The following FJX1 variants were observed in gnomAD, a reference collection of about 807,000 sequenced individuals.
FJX1 encodes the protein four-jointed box kinase 1, also known as four-jointed box protein 1.
A neutral mutation model predicts 28.7 loss-of-function variants in FJX1; 21 were observed. That is an observed-to-expected ratio of 0.73 (90% CI 0.52 to 1.05). FJX1 has a LOEUF of 1.05. FJX1 is among the 50% of genes least tolerant of loss of function. FJX1 has a pLI of 0.00. For missense variants in FJX1, 683 were observed against 647.2 expected (o/e 1.06, Z -0.60); for synonymous variants, 363 against 310.0 (o/e 1.17, Z -1.80).
At position 35,620,574 on chromosome 11, in the gene FJX1, C is replaced by T. The variant is rs1310131887; in HGVS notation, c.*624C>T. On this transcript the variant is annotated 3_prime_UTR_variant, in exon 1 of 1. Transcript: ENST00000317811. ...ACAATTTGCCTGACTCATTCCTGAC[C>T]TCTTGTCATTTTGGCCTGAAGGCTA... 1 of 168,172 alleles carries T rather than the reference C, an allele frequency of 5.9e-6. No individual in the cohort carries two copies. Among genetic ancestry groups the T allele is most frequent in the African/African-American group, 2.4e-5 (1 of 41,432 alleles). 10.4% of individuals were successfully genotyped at this position (168,172 alleles called of 1,614,324 possible). A position where few individuals can be genotyped will look rare whatever the true frequency, so the allele number is the denominator to read the frequency against.
chr11:35,620,058 A>T lies in FJX1; in HGVS notation c.*108A>T. On this transcript the variant is annotated 3_prime_UTR_variant, in exon 1 of 1. Coordinates refer to ENST00000317811, the MANE Select transcript of FJX1 (RefSeq NM_014344.4). Reference sequence around the variant, plus strand: ...GACCAGCCGGCCAACGCCCACCCGCAAAGGTGTCTAAAAACTTCAGCTTTT... The same window carrying T: ...GACCAGCCGGCCAACGCCCACCCGCTAAGGTGTCTAAAAACTTCAGCTTTT... The T allele has an allele frequency of 6.8e-7, 1 of 1,480,626 alleles. No individual in the cohort carries two copies. Among genetic ancestry groups the T allele is most frequent in the Non-Finnish European group, 9.0e-7 (1 of 1,106,980 alleles). The allele number at this position is 1,480,626 out of a possible 1,614,324, so 91.7% of individuals were successfully genotyped here. A position where few individuals can be genotyped will look rare whatever the true frequency, so the allele number is the denominator to read the frequency against.
rs1359343033 is a variant in FJX1, at chr11:35,619,814, G to C, written c.1178G>C (p.Arg393Pro). ...GCGGCCCGGCTGCTGCGCCTCTACCGGCGCCACGAGCCTCGCTTCCCCGAG... is the reference window on the plus strand; with the variant it reads ...GCGGCCCGGCTGCTGCGCCTCTACCCGCGCCACGAGCCTCGCTTCCCCGAG... ...DAAARLLRLYRRHEPRFPELA... is the reference protein window; with the variant it reads ...DAAARLLRLYPRHEPRFPELA... The change falls in exon 1 of 1, where the codon CGG (arginine) becomes CCG (proline). Residue 393 changes from arginine (R) to proline (P), a missense_variant. Arg to Pro is a moderately radical substitution (Grantham distance 103). Transcript: ENST00000317811. This position sits in a 1 kb window ranked among gnomAD's most constrained non-coding sequence, Gnocchi z 7.6. 6.4e-7 allele frequency: 1 copy of C among 1,550,564 alleles called. No individual in the cohort carries two copies. The highest frequency in any genetic ancestry group is 2.0e-5 in the Admixed American group (1 of 51,052).
In FJX1 at chr11:35,620,360, A is replaced by G. The variant is rs1565389385; in HGVS notation, c.*410A>G. 3.5e-6 allele frequency: 1 copy of G among 288,068 alleles called. No homozygotes were observed. The highest frequency in any genetic ancestry group is 2.4e-5 in the African/African-American group (1 of 42,520). The allele number at this position is 288,068 out of a possible 1,614,324, so 17.8% of individuals were successfully genotyped here. A position where few individuals can be genotyped will look rare whatever the true frequency, so the allele number is the denominator to read the frequency against. ...TTTGAGCCGTTGAGCTAATTCTGCA[A>G]TTTTCTACCAAACAGAGCGCTGGTG... On this transcript the variant is annotated 3_prime_UTR_variant, in exon 1 of 1. Coordinates refer to ENST00000317811, the MANE Select transcript of FJX1 (RefSeq NM_014344.4).
chr11:35,620,158 A>C lies in FJX1; in HGVS notation c.*208A>C. On this transcript the variant is annotated 3_prime_UTR_variant, in exon 1 of 1. Transcript: ENST00000317811. ...CTGGGAGGACGAACTCACCGAGGCG[A>C]GAAGTGTAACATTCTCTCCACCCAG... The C allele has an allele frequency of 1.4e-6, 1 of 712,476 alleles. No individual in the cohort carries two copies. Among genetic ancestry groups the C allele is most frequent in the Non-Finnish European group, 2.3e-6 (1 of 428,136 alleles). The allele number at this position is 712,476 out of a possible 1,614,324, so 44.1% of individuals were successfully genotyped here. A position where few individuals can be genotyped will look rare whatever the true frequency, so the allele number is the denominator to read the frequency against.
In FJX1 at chr11:35,619,138, C is replaced by A. The variant is rs911910713; in HGVS notation, c.502C>A (p.Leu168Met). The A allele has an allele frequency of 5.7e-6, 9 of 1,567,702 alleles. No individual in the cohort carries two copies. Among genetic ancestry groups the A allele is most frequent in the Non-Finnish European group, 7.7e-6 (9 of 1,168,336 alleles). The part of the protein sequence containing the change: ...RGGCGRSSNR[L>M]ARFADGTRAC... ...GGGTTGCGGGCGCAGCTCCAACCGA[C>A]TGGCCCGTTTTGCCGACGGCACCCG... The change falls in exon 1 of 1, where the codon CTG becomes ATG. Residue 168 changes from leucine (L) to methionine (M), a missense_variant. By Grantham distance (15) the Leu-to-Met change is conservative. Coordinates refer to ENST00000317811, the MANE Select transcript of FJX1 (RefSeq NM_014344.4). This position sits in a 1 kb window ranked among gnomAD's most constrained non-coding sequence, Gnocchi z 7.6.
In FJX1 at chr11:35,620,582, A is replaced by G. The variant is rs1850889169; in HGVS notation, c.*632A>G. The G allele has an allele frequency of 6.0e-6, 1 of 167,876 alleles. No homozygotes were observed. Among genetic ancestry groups the G allele is most frequent in the African/African-American group, 2.4e-5 (1 of 41,460 alleles). 10.4% of individuals were successfully genotyped at this position (167,876 alleles called of 1,614,324 possible). On this transcript the variant is annotated 3_prime_UTR_variant, in exon 1 of 1. Coordinates refer to ENST00000317811, the MANE Select transcript of FJX1 (RefSeq NM_014344.4). ...CCTGACTCATTCCTGACCTCTTGTCATTTTGGCCTGAAGGCTACAAATTCA... is the reference window on the plus strand; with the variant it reads ...CCTGACTCATTCCTGACCTCTTGTCGTTTTGGCCTGAAGGCTACAAATTCA...
Position 35,619,097 on chromosome 11 carries a change from T to C in FJX1, c.461T>C (p.Val154Ala), listed in dbSNP as rs1469573002. 1.3e-6 allele frequency: 2 copies of C among 1,506,158 alleles called. No homozygotes were observed. Among genetic ancestry groups the C allele is most frequent in the Admixed American group, 2.2e-5 (1 of 44,462 alleles). 93.3% of individuals were successfully genotyped at this position (1,506,158 alleles called of 1,614,324 possible). A position where few individuals can be genotyped will look rare whatever the true frequency, so the allele number is the denominator to read the frequency against. Residue 154 changes from valine (V) to alanine (A), a missense_variant, in exon 1 of 1, where the codon GTG becomes GCG. Coordinates refer to ENST00000317811, the MANE Select transcript of FJX1 (RefSeq NM_014344.4). The surrounding 1 kb of genome is among the most constrained non-coding windows in gnomAD (Gnocchi z 7.6). Reference protein sequence around the residue: ...WLEAARGARMVALERGGCGRS... With the variant: ...WLEAARGARMAALERGGCGRS... Reference sequence around the variant, plus strand: ...GAGGCGGCTCGCGGCGCCCGGATGGTGGCCCTGGAGCGCGGGGGTTGCGGG... The same window carrying C: ...GAGGCGGCTCGCGGCGCCCGGATGGCGGCCCTGGAGCGCGGGGGTTGCGGG...
chr11:35,618,493 C>A lies in FJX1; in HGVS notation c.-144C>A. ...GCGCCGGGCGGAGCGCCGGACAGAGCCCCGCAGCGCCCCGCGGCCGCGATG... is the reference window on the plus strand; with the variant it reads ...GCGCCGGGCGGAGCGCCGGACAGAGACCCGCAGCGCCCCGCGGCCGCGATG... On this transcript the variant is annotated 5_prime_UTR_variant, in exon 1 of 1. Coordinates refer to ENST00000317811, the MANE Select transcript of FJX1 (RefSeq NM_014344.4). This position sits in a 1 kb window ranked among gnomAD's most constrained non-coding sequence, Gnocchi z 4.2. 1.3e-6 allele frequency: 1 copy of A among 747,692 alleles called. No individual in the cohort carries two copies. Among genetic ancestry groups the A allele is most frequent in the Non-Finnish European group, 1.7e-6 (1 of 597,678 alleles). 46.3% of individuals were successfully genotyped at this position (747,692 alleles called of 1,614,324 possible).
Position 35,619,635 on chromosome 11 carries a change from G to A in FJX1, c.999G>A (p.Ala333=). 1 of 1,610,842 alleles carries A rather than the reference G, an allele frequency of 6.2e-7. No individual in the cohort carries two copies. Residue 333 remains alanine, a synonymous_variant, in exon 1 of 1, where the codon GCG becomes GCA. Transcript: ENST00000317811. This position sits in a 1 kb window ranked among gnomAD's most constrained non-coding sequence, Gnocchi z 7.6. ...ACCTGCACCGCGGTCCGGGCGGGGC[G>A]CTGGTCTTTCTGGACAATGAGGCGG... is the stretch of plus-strand genomic sequence containing the variant. ...TSNLHRGPGG[A]LVFLDNEAGL... is the part of the protein sequence containing the mutation.
chr11:35,619,690 A>G lies in FJX1; in HGVS notation c.1054A>G (p.Met352Val), dbSNP rs747959914. 4 of 1,605,044 alleles carry G rather than the reference A, an allele frequency of 2.5e-6. No homozygotes were observed. Among genetic ancestry groups the G allele is most frequent in the Non-Finnish European group, 2.5e-6 (3 of 1,177,244 alleles). The change falls in exon 1 of 1, where the codon ATG becomes GTG. Residue 352 changes from methionine to valine, a missense_variant. Coordinates refer to ENST00000317811, the MANE Select transcript of FJX1 (RefSeq NM_014344.4). This position sits in a 1 kb window ranked among gnomAD's most constrained non-coding sequence, Gnocchi z 7.6. ...GGTGCACGGCTACCGGGTAGCAGGCATGTGGGACAAGTATAACGAGCCGCT... is the reference window on the plus strand; with the variant it reads ...GGTGCACGGCTACCGGGTAGCAGGCGTGTGGGACAAGTATAACGAGCCGCT... ...GLVHGYRVAG[M>V]WDKYNEPLLQ...
rs1384589682 is a variant in FJX1 at position 35,619,592 on chromosome 11, T to C, written c.956T>C (p.Met319Thr). 1 of 1,607,492 alleles carries C rather than the reference T, an allele frequency of 6.2e-7. No individual in the cohort carries two copies. Among genetic ancestry groups the C allele is most frequent in the Admixed American group, 1.7e-5 (1 of 60,030 alleles). Residue 319 changes from methionine (M) to threonine (T), a missense_variant, in exon 1 of 1, where the codon ATG becomes ACG. Physicochemically the swap from Met to Thr is moderately conservative, Grantham distance 81 (BLOSUM62 -1). Coordinates refer to ENST00000317811, the MANE Select transcript of FJX1 (RefSeq NM_014344.4). This position sits in a 1 kb window ranked among gnomAD's most constrained non-coding sequence, Gnocchi z 7.6. Reference protein sequence around the residue: ...LFSLQWDPRVMQRATSNLHRG... With the variant: ...LFSLQWDPRVTQRATSNLHRG... ...AGCCTGCAGTGGGACCCGCGCGTCA[T>C]GCAGCGTGCCACCAGCAACCTGCAC...
chr11:35,619,032 G>A lies in FJX1; in HGVS notation c.396G>A (p.Val132=). 1 of 1,464,602 alleles carries A rather than the reference G, an allele frequency of 6.8e-7. No individual in the cohort carries two copies. The highest frequency in any genetic ancestry group is 8.9e-7 in the Non-Finnish European group (1 of 1,120,396). 90.7% of individuals were successfully genotyped at this position (1,464,602 alleles called of 1,614,324 possible). ...GGAGCCGCGGCCTGGAGGAGCAGGT[G>A]CCCCCGGGCTTTTCGGAGGCCCAGG... The part of the protein sequence containing the change: ...VFWSRGLEEQ[V]PPGFSEAQAA... Residue 132 remains valine (V), a synonymous_variant, in exon 1 of 1, where the codon GTG becomes GTA. Transcript: ENST00000317811. The surrounding 1 kb of genome is among the most constrained non-coding windows in gnomAD (Gnocchi z 7.6).
Position 35,619,077 on chromosome 11 carries a change from G to C in FJX1, c.441G>C (p.Ala147=). The change falls in exon 1 of 1, where the codon GCG becomes GCC. Residue 147 remains alanine, a synonymous_variant. Coordinates refer to ENST00000317811, the MANE Select transcript of FJX1 (RefSeq NM_014344.4). This position sits in a 1 kb window ranked among gnomAD's most constrained non-coding sequence, Gnocchi z 7.6. ...SEAQAAAWLE[A]ARGARMVALE... is the part of the protein sequence containing the mutation. ...CCCAGGCGGCGGCGTGGCTGGAGGC[G>C]GCTCGCGGCGCCCGGATGGTGGCCC... 8.8e-6 allele frequency: 13 copies of C among 1,482,336 alleles called. No individual in the cohort carries two copies. The highest frequency in any genetic ancestry group is 1.2e-5 in the Non-Finnish European group (13 of 1,128,808). The allele number at this position is 1,482,336 out of a possible 1,614,324, so 91.8% of individuals were successfully genotyped here. A position where few individuals can be genotyped will look rare whatever the true frequency, so the allele number is the denominator to read the frequency against.
chr11:35,618,631 G>C lies in FJX1; in HGVS notation c.-6G>C, dbSNP rs1850851364. 7.7e-6 allele frequency: 9 copies of C among 1,163,918 alleles called. No homozygotes were observed. The South Asian group carries it at 3.2e-4, about 41-fold the overall frequency. 72.1% of individuals were successfully genotyped at this position (1,163,918 alleles called of 1,614,324 possible). On this transcript the variant is annotated 5_prime_UTR_variant, in exon 1 of 1. Coordinates refer to ENST00000317811, the MANE Select transcript of FJX1 (RefSeq NM_014344.4). The surrounding 1 kb of genome is among the most constrained non-coding windows in gnomAD (Gnocchi z 4.2). ...GGCGGCGGCGCACCGGCACAGCCGC[G>C]GGAGCATGGGCAGGAGGATGCGGGG...
In FJX1 at chr11:35,618,720, G is replaced by A; in HGVS notation, c.84G>A (p.Gly28=). Residue 28 remains glycine (G), a synonymous_variant, in exon 1 of 1, where the codon GGG becomes GGA. Coordinates refer to ENST00000317811, the MANE Select transcript of FJX1 (RefSeq NM_014344.4). This position sits in a 1 kb window ranked among gnomAD's most constrained non-coding sequence, Gnocchi z 4.2. ...GCTCGCTGCTGGCGCTGTGGGGAGG[G>A]CTCCTGCCGCCGCGGACCGAGCTGC... ...ALGSLLALWG[G]LLPPRTELPA... 3 of 1,253,750 alleles carry A rather than the reference G, an allele frequency of 2.4e-6. No homozygotes were observed. Among genetic ancestry groups the A allele is most frequent in the Admixed American group, 3.2e-5 (1 of 30,788 alleles). The allele number at this position is 1,253,750 out of a possible 1,614,324, so 77.7% of individuals were successfully genotyped here.
In FJX1 at chr11:35,619,807, C is replaced by A. The variant is rs1040638787; in HGVS notation, c.1171C>A (p.Leu391Ile). 2.6e-6 allele frequency: 4 copies of A among 1,550,506 alleles called. No homozygotes were observed. Among genetic ancestry groups the A allele is most frequent in the Non-Finnish European group, 3.5e-6 (4 of 1,147,598 alleles). ...GGACGCCGCGGCCCGGCTGCTGCGC[C>A]TCTACCGGCGCCACGAGCCTCGCTT... ...GQDAAARLLR[L>I]YRRHEPRFPE... Residue 391 changes from leucine (L) to isoleucine (I), a missense_variant, in exon 1 of 1, where the codon CTC becomes ATC. Coordinates refer to ENST00000317811, the MANE Select transcript of FJX1 (RefSeq NM_014344.4). The surrounding 1 kb of genome is among the most constrained non-coding windows in gnomAD (Gnocchi z 7.6).
chr11:35,620,076 C>G lies in FJX1; in HGVS notation c.*126C>G. 2 of 1,397,068 alleles carry G rather than the reference C, an allele frequency of 1.4e-6. No individual in the cohort carries two copies. The highest frequency in any genetic ancestry group is 2.7e-5 in the South Asian group (2 of 74,950). The allele number at this position is 1,397,068 out of a possible 1,614,324, so 86.5% of individuals were successfully genotyped here. A position where few individuals can be genotyped will look rare whatever the true frequency, so the allele number is the denominator to read the frequency against. ...CACCCGCAAAGGTGTCTAAAAACTT[C>G]AGCTTTTCACCCACCTGCCCCTTTC... On this transcript the variant is annotated 3_prime_UTR_variant, in exon 1 of 1. Transcript: ENST00000317811.
chr11:35,618,859 G>A lies in FJX1; in HGVS notation c.223G>A (p.Gly75Ser). 1 of 1,354,018 alleles carries A rather than the reference G, an allele frequency of 7.4e-7. No homozygotes were observed. Among genetic ancestry groups the A allele is most frequent in the Non-Finnish European group, 9.5e-7 (1 of 1,057,286 alleles). The allele number at this position is 1,354,018 out of a possible 1,614,324, so 83.9% of individuals were successfully genotyped here. A position where few individuals can be genotyped will look rare whatever the true frequency, so the allele number is the denominator to read the frequency against. The change falls in exon 1 of 1, where the codon GGC becomes AGC. Residue 75 changes from glycine to serine, a missense_variant. Physicochemically the swap from Gly to Ser is moderately conservative, Grantham distance 56. Transcript: ENST00000317811. The surrounding 1 kb of genome is among the most constrained non-coding windows in gnomAD (Gnocchi z 4.2). ...GCCCCTGGCGTGGGACGCCCGCGGCGGCTCCCTGAAAACTTTCCGGGCGCT... is the reference window on the plus strand; with the variant it reads ...GCCCCTGGCGTGGGACGCCCGCGGCAGCTCCCTGAAAACTTTCCGGGCGCT... ...PPPLAWDARG[G>S]SLKTFRALLT...
At position 35,619,586 on chromosome 11, in the gene FJX1, G is replaced by A. The variant is rs1850872232; in HGVS notation, c.950G>A (p.Arg317His). ...SNLFSLQWDP[R>H]VMQRATSNLH... is the part of the protein sequence containing the mutation. ...CTCTTCAGCCTGCAGTGGGACCCGC[G>A]CGTCATGCAGCGTGCCACCAGCAAC... is the stretch of plus-strand genomic sequence containing the variant. The change falls in exon 1 of 1, where the codon CGC becomes CAC. Residue 317 changes from arginine to histidine, a missense_variant. Transcript: ENST00000317811. The surrounding 1 kb of genome is among the most constrained non-coding windows in gnomAD (Gnocchi z 7.6). The A allele has an allele frequency of 6.2e-7, 1 of 1,606,346 alleles. No homozygotes were observed. Among genetic ancestry groups the A allele is most frequent in the Non-Finnish European group, 8.5e-7 (1 of 1,179,786 alleles).
Sources: gnomAD v4.1 joint callset for allele counts on GRCh38, gnomAD v4.1.1 for gene constraint, Gnocchi (gnomAD v3.1) non-coding constraint, MANE v1.5 for transcripts, NCBI Gene and HGNC (gene_info 2026-07-23, HGNC 2026-07-21) for gene names.